A2ML1: variants seen among roughly 807,000 people sequenced by gnomAD.
A2ML1 encodes alpha-2-macroglobulin-like protein 1.
A neutral mutation model predicts 181.9 loss-of-function variants in A2ML1; 161 were observed. The ratio of observed to expected loss-of-function variants is 0.89; its 90% CI spans 0.78 to 1.01. A2ML1 has a LOEUF of 1.01. Ranked by LOEUF, A2ML1 falls within the 50% of genes least tolerant of loss-of-function variation. The probability of loss-of-function intolerance (pLI) is 0.00; values close to 1 mark genes in which losing one functional copy is unlikely to be tolerated. For synonymous variants in A2ML1, 663 were observed against 666.8 expected (o/e 0.99, Z 0.09); for missense variants, 1,670 against 1,768.1 (o/e 0.94, Z 1.00).
downstream of A2ML1, among the ~76,000 whole-genome samples, chr12:8,879,932 C>G (rs1402238947): frequency 6.6e-6 from 1 of 152,138 alleles, no homozygotes; most frequent in Non-Finnish European, 1.5e-5. Flanking sequence ...GGTATTACAC[C>G]AGGCCTGGGA....
At chr12:8,856,070 A>G (rs1438113770) in intron 23 of A2ML1, among the ~76,000 whole-genome samples, 2 of 152,206 alleles carry the variant, frequency 1.3e-5, no homozygotes, top group Admixed American at 1.3e-4. Flanking sequence ...CAAGTTAGTG[A>G]ACAGTTCTGG....
At chr12:8,849,644 T>C in intron 16 of A2ML1, 25 bp from the exon 17 acceptor site, 1 of 1,601,464 alleles carries the variant, frequency 6.2e-7, no homozygotes. Context: ...ACCACCTTAA[T>C]ACTTATTTCT....
chr12:8,856,305 T>C lies in A2ML1; in HGVS notation c.2848+713T>C, dbSNP rs137916692. 3.3e-3 allele frequency among the ~76,000 whole-genome samples: 498 copies of C among 152,354 alleles called. 1 individual carries two copies. The highest frequency in any genetic ancestry group is 6.7e-3 in the Admixed American group (103 of 15,300). On this transcript the variant is annotated intron_variant, in intron 23 of 35. Coordinates refer to ENST00000299698, the MANE Select transcript of A2ML1 (RefSeq NM_144670.6). ...TAAGTCTGACATAGCACTTATCTTA[T>C]TGTATTAGAGTTCACTGTCTATATC...
chr12:8,835,485 A>G, intron 5 of A2ML1, 22 bp from the exon 6 acceptor site: 1 of 1,613,064 alleles, frequency 6.2e-7, no homozygotes, highest in South Asian at 1.1e-5. Flanking sequence ...CAGGCACATC[A>G]TGCAGTTTCT....
In A2ML1 at chr12:8,829,761, C is replaced by T. The variant is rs914336844; in HGVS notation, c.444C>T (p.Phe148=). 7 of 1,613,652 alleles carry T rather than the reference C, an allele frequency of 4.3e-6. No homozygotes were observed. Among genetic ancestry groups the T allele is most frequent in the Non-Finnish European group, 5.1e-6 (6 of 1,179,936 alleles). ...GCATTGTCACCATGGATAGCAACTTCGTTCCAGTGAATGACAAGGTGAGTT... is the reference window on the plus strand; with the variant it reads ...GCATTGTCACCATGGATAGCAACTTTGTTCCAGTGAATGACAAGGTGAGTT... ...YFRIVTMDSN[F]VPVNDKYSMV... is the part of the protein sequence containing the mutation. The change falls in exon 4 of 36, where the codon TTC becomes TTT. Residue 148 remains phenylalanine, a synonymous_variant. Transcript: ENST00000299698.
chr12:8,868,087 C>T (rs1237500431), intron 30 of A2ML1, 30 bp downstream of exon 30: 11 of 1,611,670 alleles, frequency 6.8e-6, no homozygotes, highest in Middle Eastern at 1.7e-4. Flanking sequence ...AATGAGCGGA[C>T]ATTGGGAAGG....
Position 8,858,076 on chromosome 12 carries a change from G to C in A2ML1, c.3238G>C (p.Gly1080Arg). 6.2e-7 allele frequency: 1 copy of C among 1,614,112 alleles called. No individual in the cohort carries two copies. The highest frequency in any genetic ancestry group is 8.5e-7 in the Non-Finnish European group (1 of 1,180,018). The change falls in exon 26 of 36, where the codon GGA becomes CGA. Residue 1080 changes from glycine to arginine, a missense_variant. Transcript: ENST00000299698. ...CCCCAGTGGCTGCTATGCCAACGTG[G>C]GAAATCTCCTTCACACAGCTATGAA... ...QLPSGCYANV[G>R]NLLHTAMKGG...
intron 7 of A2ML1, among the ~76,000 whole-genome samples, chr12:8,886,080 A>G (rs1944919750): frequency 6.6e-6 from 1 of 151,540 alleles, no homozygotes; most frequent in Admixed American, 6.6e-5. Context: ...TTTGGGTAGT[A>G]TAATCCTCTA....
intron 34 of A2ML1, 33 bp from the exon 35 acceptor site, chr12:8,874,938 C>T (rs1486362907): frequency 1.2e-6 from 2 of 1,612,386 alleles, no homozygotes; most frequent in Non-Finnish European, 1.7e-6. Flanking sequence ...AGGAGGCCCT[C>T]AAAGTAATAA....
chr12:8,826,707 C>T (rs1942940367), intron 3 of A2ML1, among the ~76,000 whole-genome samples: 1 of 152,166 alleles, frequency 6.6e-6, no homozygotes, highest in Non-Finnish European at 1.5e-5. Flanking sequence ...CAGCCTCTGC[C>T]TCCTGGGTTC....
intron 12 of A2ML1, among the ~76,000 whole-genome samples, chr12:8,844,802 G>T (rs932986264): frequency 1.1e-4 from 16 of 152,300 alleles, no homozygotes; most frequent in African/African-American, 3.8e-4. Flanking sequence ...CCGAAGTGTG[G>T]GGAGGTGTAG....
At position 8,843,256 on chromosome 12, in the gene A2ML1, G is replaced by C. The variant is rs1168610611; in HGVS notation, c.1371G>C (p.Arg457=). Reference sequence around the variant, plus strand: ...CCCGCAGCTTCCTTGGCATCCACCGGCTAAACGGCCCCTTGAAATGTGGCC... The same window carrying C: ...CCCGCAGCTTCCTTGGCATCCACCGCCTAAACGGCCCCTTGAAATGTGGCC... ...STTRSFLGIH[R]LNGPLKCGQP... is the part of the protein sequence containing the mutation. The change falls in exon 12 of 36, where the codon CGG becomes CGC. Residue 457 remains arginine, a synonymous_variant. Transcript: ENST00000299698. 2.5e-6 allele frequency: 4 copies of C among 1,614,160 alleles called. No homozygotes were observed. Among genetic ancestry groups the C allele is most frequent in the Non-Finnish European group, 3.4e-6 (4 of 1,180,040 alleles).
downstream of A2ML1, among the ~76,000 whole-genome samples, chr12:8,879,282 G>C (rs1207563023): frequency 3.3e-5 from 5 of 151,884 alleles, no homozygotes; most frequent in African/African-American, 4.8e-5. Context: ...ACTAGAGATC[G>C]GGCATTCAAG....
At position 8,845,505 on chromosome 12, in the gene A2ML1, G is replaced by A. The variant is rs1245776155; in HGVS notation, c.1537+3G>A. 2 of 1,614,116 alleles carry A rather than the reference G, an allele frequency of 1.2e-6. No homozygotes were observed. The highest frequency in any genetic ancestry group is 2.2e-5 in the South Asian group (2 of 91,084). ...ACACCTGAACTCTAAGAAGAAAGGT[G>A]AGTGTACATGCTTTTCCCGGAAGCA... On this transcript the variant is annotated splice_donor_region_variant and intron_variant, in intron 13 of 35. Transcript: ENST00000299698.
At chr12:8,845,019 CAG>C (rs1199334965) in intron 12 of A2ML1, 3 of 1,426,862 alleles carry the variant, frequency 2.1e-6, no homozygotes, top group Admixed American at 5.8e-5. Context: ...CAGAAGGGCT[CAG>C]GGTGGTTTAG....
At chr12:8,881,138 A>G (rs1944866502), downstream of A2ML1, among the ~76,000 whole-genome samples, 1 of 152,242 alleles carries the variant, frequency 6.6e-6, no homozygotes, top group Admixed American at 6.5e-5. Flanking sequence ...ATACAGGAGA[A>G]AAACCTTTTC....
intron 31 of A2ML1, 84 bp from the exon 32 acceptor site, chr12:8,868,453 T>A: frequency 7.4e-7 from 1 of 1,354,108 alleles, no homozygotes; most frequent in South Asian, 1.3e-5. Context: ...TATGTGTGTG[T>A]GTACGTGTGT....
chr12:8,863,768 T>G, intron 28 of A2ML1, 26 bp from the exon 29 acceptor site: 1 of 1,611,488 alleles, frequency 6.2e-7, no homozygotes, highest in Non-Finnish European at 8.5e-7. Context: ...TCTAAGGACA[T>G]CCTAGTTATG....
At position 8,850,350 on chromosome 12, in the gene A2ML1, T is replaced by G. The variant is rs1029723301; in HGVS notation, c.2234+76T>G. ...CTGTAATCCCAACACTTTGGGAGGC[T>G]TAGGAGGGAGGATCACTTGAGACCA... is the stretch of plus-strand genomic sequence containing the variant. On this transcript the variant is annotated intron_variant, in intron 18 of 35. Transcript: ENST00000299698. 4 of 1,125,672 alleles carry G rather than the reference T, an allele frequency of 3.6e-6. No individual in the cohort carries two copies. The African/African-American group carries it at 6.5e-5, about 18-fold the overall frequency. 69.7% of individuals were successfully genotyped at this position (1,125,672 alleles called of 1,614,324 possible). A position where few individuals can be genotyped will look rare whatever the true frequency, so the allele number is the denominator to read the frequency against.
Sources: gnomAD v4.1 joint callset for allele counts (sites outside exome capture counted in the v4.1 genomes callset) on GRCh38, gnomAD v4.1.1 for gene constraint, MANE v1.5 for transcripts, NCBI Gene and HGNC (gene_info 2026-07-23, HGNC 2026-07-21) for gene names.